SUMF1: variants seen among roughly 807,000 people sequenced by gnomAD.
The protein encoded by SUMF1 is formylglycine-generating enzyme.
In SUMF1, 48 loss-of-function variants were observed where a neutral mutation model predicts 47.6. The ratio of observed to expected loss-of-function variants is 1.01; its 90% confidence interval spans 0.80 to 1.28. The LOEUF (loss-of-function observed/expected upper bound fraction) is 1.28. SUMF1 is among the 50% of genes most tolerant of loss of function. SUMF1 has a pLI of 0.00. For synonymous variants in SUMF1, 230 were observed against 192.1 expected, an observed-to-expected ratio of 1.20 and a Z score of -1.63; for missense variants, 571 against 485.4, an observed-to-expected ratio of 1.18 and a Z score of -1.66.
At chr3:4,073,159 G>A (rs886644148) in intron 8 of SUMF1, among the ~76,000 whole-genome samples, 4 of 152,200 alleles carry the variant, frequency 2.6e-5, no homozygotes, top group Non-Finnish European at 5.9e-5. Flanking sequence ...CTATAAGCCA[G>A]AAGAGAGTGG....
At position 4,467,202 on chromosome 3, in the gene SUMF1, T is replaced by A; in HGVS notation, c.44A>T (p.Glu15Val). ...CAGCAGCAAGAGGACGAGACCCAGC[T>A]CAGGGCAACGTCCACACACCAGCCC... ...ALGLVCGRCP[E>V]LGLVLLLLLL... The change falls in exon 1 of 9, where the codon GAG becomes GTG. Residue 15 changes from glutamate (E) to valine (V), a missense_variant. Physicochemically the swap from Glu to Val is moderately radical, Grantham distance 121. Transcript: ENST00000272902. The A allele has an allele frequency of 1.9e-6, 3 of 1,611,558 alleles. No individual in the cohort carries two copies. The highest frequency in any genetic ancestry group is 2.5e-6 in the Non-Finnish European group (3 of 1,179,294).
chr3:4,460,023 G>A (rs570401641), intron 1 of SUMF1, among the ~76,000 whole-genome samples: 161 of 152,048 alleles, frequency 1.1e-3, no homozygotes, highest in Admixed American at 1.8e-3. Context: ...GCAGCCATAG[G>A]AAAGAAAAAA....
intron 3 of SUMF1, among the ~76,000 whole-genome samples, chr3:4,440,473 C>G (rs1238113151): frequency 6.6e-6 from 1 of 152,158 alleles, no homozygotes; most frequent in African/African-American, 2.4e-5. Context: ...CACACACATT[C>G]AGGTAACTGG....
chr3:4,208,359 T>C (rs1234645699), intron 8 of SUMF1, among the ~76,000 whole-genome samples: 1 of 151,184 alleles, frequency 6.6e-6, no homozygotes, highest in African/African-American at 2.4e-5. Flanking sequence ...ATGTTTTCCC[T>C]CCCTATAAAA....
intron 3 of SUMF1, among the ~76,000 whole-genome samples, chr3:4,434,168 G>C (rs1486450450): frequency 6.6e-6 from 1 of 152,168 alleles, no homozygotes; most frequent in Non-Finnish European, 1.5e-5. Context: ...TGTTTATAAT[G>C]ATGAAAAAGT....
intron 7 of SUMF1, among the ~76,000 whole-genome samples, chr3:4,410,215 A>AT (rs1367997242): frequency 6.6e-6 from 1 of 152,204 alleles, no homozygotes; most frequent in Non-Finnish European, 1.5e-5. Flanking sequence ...ATTTGTATAC[A>AT]TTCTGCTGGG....
intron 7 of SUMF1, among the ~76,000 whole-genome samples, chr3:4,386,877 TC>T (rs1216312416): frequency 1.3e-5 from 2 of 151,916 alleles, no homozygotes. Flanking sequence ...TTTTTTTTCT[TC>T]TTTTGCTTCT....
chr3:4,376,062 G>A (rs1222335010), intron 8 of SUMF1, among the ~76,000 whole-genome samples: 1 of 152,154 alleles, frequency 6.6e-6, no homozygotes, highest in African/African-American at 2.4e-5. Flanking sequence ...TGTGCAGTTC[G>A]TGGGACAACA....
intron 8 of SUMF1, among the ~76,000 whole-genome samples, chr3:4,253,352 G>A (rs943687241): frequency 2.6e-5 from 4 of 152,164 alleles, no homozygotes; most frequent in Non-Finnish European, 4.4e-5. Context: ...CTGAGGTACC[G>A]GGTTCATCTC....
At chr3:4,108,745 C>G in intron 8 of SUMF1, among the ~76,000 whole-genome samples, 1 of 152,042 alleles carries the variant, frequency 6.6e-6, no homozygotes. Context: ...AGGATTGCAA[C>G]CCCTGCCTTT....
intron 8 of SUMF1, among the ~76,000 whole-genome samples, chr3:4,114,952 G>A (rs1236333975): frequency 6.6e-6 from 1 of 152,040 alleles, no homozygotes; most frequent in East Asian, 1.9e-4. Context: ...AGGGTCCCCG[G>A]CTAGGGCTCT....
rs138052523 is a variant in SUMF1 at position 4,390,791 on chromosome 3, T to C, written c.955-14402A>G. 3.0e-3 allele frequency among the ~76,000 whole-genome samples: 451 copies of C among 152,228 alleles called. 1 individual carries two copies. Among genetic ancestry groups the C allele is most frequent in the Middle Eastern group, 0.017 (5 of 294 alleles). ...AGAGACCAGGTTTTGTCATGTTGCCTAGGCTGGTCTTGAACTCCTGGGCTC... is the reference window on the plus strand; with the variant it reads ...AGAGACCAGGTTTTGTCATGTTGCCCAGGCTGGTCTTGAACTCCTGGGCTC... On this transcript the variant is annotated intron_variant, in intron 7 of 8. Coordinates refer to ENST00000272902, the MANE Select transcript of SUMF1 (RefSeq NM_182760.4).
intron 8 of SUMF1, among the ~76,000 whole-genome samples, chr3:4,097,963 A>G (rs555614809): frequency 2.6e-4 from 40 of 152,230 alleles, no homozygotes; most frequent in Admixed American, 2.3e-3. Context: ...AATCTGATCA[A>G]CACCCTGACT....
chr3:4,150,118 G>A (rs1010926739), intron 8 of SUMF1, among the ~76,000 whole-genome samples: 2 of 70,914 alleles, frequency 2.8e-5, no homozygotes, highest in African/African-American at 9.6e-5. Context: ...ATTTTGCAGG[G>A]GTCAAGGTCT....
At chr3:4,457,173 C>T (rs931235052) in intron 1 of SUMF1, among the ~76,000 whole-genome samples, 2 of 150,980 alleles carry the variant, frequency 1.3e-5, no homozygotes, top group Non-Finnish European at 2.9e-5. Context: ...ATCTCCTGAC[C>T]TCAGGTGATC....
At chr3:4,300,211 CCA>C (rs1484936657) in intron 8 of SUMF1, among the ~76,000 whole-genome samples, 1 of 152,130 alleles carries the variant, frequency 6.6e-6, no homozygotes, top group African/African-American at 2.4e-5. Context: ...GCCCCAACCC[CCA>C]CTCTCTCTCA....
intron 7 of SUMF1, among the ~76,000 whole-genome samples, chr3:4,396,352 T>A (rs879473454): frequency 3.3e-5 from 5 of 152,146 alleles, no homozygotes; most frequent in Non-Finnish European, 5.9e-5. Context: ...CACAAGGCCA[T>A]AAAAGCACAC....
chr3:4,160,143 T>C (rs1559521945), intron 8 of SUMF1, among the ~76,000 whole-genome samples: 1 of 152,154 alleles, frequency 6.6e-6, no homozygotes, highest in African/African-American at 2.4e-5. Context: ...AAATAAACTT[T>C]CTACCCCTAT....
chr3:4,409,077 T>C (rs945018033), intron 7 of SUMF1, among the ~76,000 whole-genome samples: 2 of 152,204 alleles, frequency 1.3e-5, no homozygotes, highest in African/African-American at 4.8e-5. Flanking sequence ...AGTGACCTCA[T>C]GTGACTTGCT....
Sources: gnomAD v4.1 joint callset for allele counts (sites outside exome capture counted in the v4.1 genomes callset) on GRCh38, gnomAD v4.1.1 for gene constraint, MANE v1.5 for transcripts, NCBI Gene and HGNC (gene_info 2026-07-23, HGNC 2026-07-21) for gene names.